Variants in CDH5 observed in about 807,000 individuals in gnomAD.
CDH5 encodes the protein cadherin-5.
Under a neutral mutation model 62.0 loss-of-function variants are expected in CDH5, and 28 were observed. The ratio of observed to expected loss-of-function variants is 0.45; its 90% CI spans 0.33 to 0.62. The LOEUF (loss-of-function observed/expected upper bound fraction) is 0.62. CDH5 is among the 20% of genes least tolerant of loss of function. CDH5 has a pLI of 0.02. For missense variants in CDH5, 940 were observed against 1,065.1 expected, an observed-to-expected ratio of 0.88 and a Z score of 1.63; for synonymous variants, 464 against 445.8, an observed-to-expected ratio of 1.04 and a Z score of -0.52.
At chr16:66,387,808 C>T (rs371163245) in intron 3 of CDH5, among the ~76,000 whole-genome samples, 3 of 152,126 alleles carry the variant, frequency 2.0e-5, no homozygotes, top group African/African-American at 7.2e-5. Context: ...ATGTCACCAG[C>T]CTGGGCTCTG....
At chr16:66,370,696 A>G (rs906893157) in intron 1 of CDH5, among the ~76,000 whole-genome samples, 1 of 152,204 alleles carries the variant, frequency 6.6e-6, no homozygotes, top group African/African-American at 2.4e-5. Context: ...GCAGGTGGCA[A>G]TCAGAAGACC....
intron 1 of CDH5, among the ~76,000 whole-genome samples, chr16:66,374,546 T>C (rs1008256020): frequency 6.6e-6 from 1 of 152,152 alleles, no homozygotes; most frequent in African/African-American, 2.4e-5. Flanking sequence ...CCAAGGGGCT[T>C]TTCTGCACCT....
chr16:66,375,222 T>C (rs1335273108), intron 1 of CDH5, among the ~76,000 whole-genome samples: 2 of 152,062 alleles, frequency 1.3e-5, no homozygotes, highest in Non-Finnish European at 2.9e-5. Context: ...CATATCTAAA[T>C]ACAGACAAGA....
At chr16:66,371,816 C>T (rs959478183) in intron 1 of CDH5, among the ~76,000 whole-genome samples, 2 of 152,100 alleles carry the variant, frequency 1.3e-5, no homozygotes, top group Non-Finnish European at 2.9e-5. Context: ...TGGACCAGCC[C>T]ATTGAGGGGC....
intron 1 of CDH5, among the ~76,000 whole-genome samples, chr16:66,370,965 C>G (rs977647253): frequency 6.6e-6 from 1 of 152,086 alleles, no homozygotes; most frequent in African/African-American, 2.4e-5. Context: ...TAGACTTCCT[C>G]CAGCAGGGAG....
chr16:66,392,992 G>C (rs1476958469), intron 7 of CDH5: 1 of 152,616 alleles, frequency 6.6e-6, no homozygotes, highest in Non-Finnish European at 1.5e-5. Flanking sequence ...ATCATGCCAT[G>C]CTGGTTTCAT....
chr16:66,389,215 G>A (rs1468868353), intron 4 of CDH5, 143 bp from the exon 5 acceptor site: 3 of 753,714 alleles, frequency 4.0e-6, no homozygotes, highest in Non-Finnish European at 6.4e-6. Flanking sequence ...GAGGTAGTGG[G>A]TTGTAGACTC....
chr16:66,367,405 G>T (rs1960606997), intron 1 of CDH5, among the ~76,000 whole-genome samples: 2 of 152,222 alleles, frequency 1.3e-5, no homozygotes, highest in Admixed American at 1.3e-4. Flanking sequence ...TGTCAAGGGA[G>T]CTGTAGTCTG....
intron 2 of CDH5, among the ~76,000 whole-genome samples, chr16:66,384,078 C>CTTTTTTTTTTTTTTTTTTTTTT (rs35435487): frequency 1.4e-5 from 1 of 71,356 alleles, no homozygotes; most frequent in African/African-American, 5.9e-5. Flanking sequence ...GGAGTCCAGC[C>CTTTTTTTTTTTTTTTTTTTTTT]TTTTTTTTTT....
At chr16:66,375,983 C>T (rs148654504) in intron 1 of CDH5, among the ~76,000 whole-genome samples, 5,992 of 151,982 alleles carry the variant, frequency 0.039, 376 homozygotes, top group African/African-American at 0.13. Flanking sequence ...TGGTGTCACG[C>T]GCCTGTAATC....
Position 66,379,396 on chromosome 16 carries a change from T to C in CDH5, c.59T>C (p.Val20Ala), listed in dbSNP as rs751603733. The C allele has an allele frequency of 1.2e-6, 2 of 1,613,600 alleles. No individual in the cohort carries two copies. Among genetic ancestry groups the C allele is most frequent in the African/African-American group, 1.3e-5 (1 of 74,934 alleles). The part of the protein sequence containing the change: ...TSGACLGLLA[V>A]AAVAAAGANP... ...GGCGCCTGCCTGGGCCTGCTGGCAG[T>C]GGCAGCAGTGGCAGCAGCAGGTGCT... The change falls in exon 2 of 12, where the codon GTG (valine) becomes GCG (alanine). Residue 20 changes from valine (V) to alanine (A), a missense_variant. Physicochemically the swap from Val to Ala is moderately conservative, Grantham distance 64. Coordinates refer to ENST00000341529, the MANE Select transcript of CDH5 (RefSeq NM_001795.5).
rs143242557 is a variant in CDH5, at chr16:66,379,522, C to T, written c.185C>T (p.Thr62Ile). ...ATGCACATTGATGAAGAGAAAAACA[C>T]CTCACTTCCCCATCATGTAGGCAAG... ...NQMHIDEEKN[T>I]SLPHHVGKIK... The change falls in exon 2 of 12, where the codon ACC (threonine) becomes ATC (isoleucine). Residue 62 changes from threonine (T) to isoleucine (I), a missense_variant. Physicochemically the swap from Thr to Ile is moderately conservative, Grantham distance 89. Transcript: ENST00000341529. 12 of 1,614,062 alleles carry T rather than the reference C, an allele frequency of 7.4e-6. No individual in the cohort carries two copies. The Admixed American group carries it at 8.3e-5, about 11-fold the overall frequency.
intron 2 of CDH5, among the ~76,000 whole-genome samples, chr16:66,381,774 T>C (rs1960903552): frequency 6.6e-6 from 1 of 152,064 alleles, no homozygotes; most frequent in African/African-American, 2.4e-5. Flanking sequence ...GACTTGCAAA[T>C]AAAGTTTTAT....
chr16:66,403,558 G>A lies in CDH5; in HGVS notation c.*389G>A. The stretch of plus-strand genomic sequence containing the variant: ...GGTCCCTGAACGCCCTGGTAAGGCT[G>A]GTGAGGTCCTGGTGCCTATCTGCCT... On this transcript the variant is annotated 3_prime_UTR_variant, in exon 12 of 12. Coordinates refer to ENST00000341529, the MANE Select transcript of CDH5 (RefSeq NM_001795.5). The surrounding 1 kb of genome is among the most constrained non-coding windows in gnomAD (Gnocchi z 4.3). The A allele has an allele frequency of 4.0e-6, 1 of 253,086 alleles. No individual in the cohort carries two copies. Among genetic ancestry groups the A allele is most frequent in the South Asian group, 5.1e-5 (1 of 19,524 alleles). 15.7% of individuals were successfully genotyped at this position (253,086 alleles called of 1,614,324 possible).
At chr16:66,396,443 G>A (rs1453818153) in intron 8 of CDH5, among the ~76,000 whole-genome samples, 2 of 152,194 alleles carry the variant, frequency 1.3e-5, no homozygotes, top group Non-Finnish European at 2.9e-5. Context: ...GGAATCTCAT[G>A]CATGTCACAG....
intron 3 of CDH5, among the ~76,000 whole-genome samples, chr16:66,388,078 T>A (rs1961016957): frequency 6.6e-6 from 1 of 151,058 alleles, no homozygotes; most frequent in Non-Finnish European, 1.5e-5. Flanking sequence ...CCCTCCCTCA[T>A]TTCCCCAGGA....
chr16:66,396,400 G>A (rs1293601730), intron 8 of CDH5, among the ~76,000 whole-genome samples, 199 bp downstream of exon 8: 2 of 152,218 alleles, frequency 1.3e-5, no homozygotes, highest in Non-Finnish European at 2.9e-5. Context: ...CTGAGACCTT[G>A]TTGCATCTCG....
intron 1 of CDH5, among the ~76,000 whole-genome samples, chr16:66,371,903 C>T (rs1188763146): frequency 1.3e-5 from 2 of 152,160 alleles, no homozygotes; most frequent in Admixed American, 1.3e-4. Flanking sequence ...AGAAAAGCAG[C>T]TCTAGCCCTT....
In CDH5 at chr16:66,395,924, A is replaced by C. The variant is rs940191104; in HGVS notation, c.1218-135A>C. On this transcript the variant is annotated intron_variant, in intron 7 of 11. Transcript: ENST00000341529. ...AGGTCCACTCTTGTCTGAGTGGCAG[A>C]GTGCAATGAGCAGTGAGAGAGGGGC... is the stretch of plus-strand genomic sequence containing the variant. The C allele has an allele frequency of 6.3e-6, 5 of 795,782 alleles. No homozygotes were observed. In the African/African-American group the frequency reaches 8.8e-5, roughly 14 times the overall value. 49.3% of individuals were successfully genotyped at this position (795,782 alleles called of 1,614,324 possible).
Sources: allele counts gnomAD v4.1 joint callset (sites outside exome capture counted in the v4.1 genomes callset), GRCh38; gene constraint gnomAD v4.1.1; non-coding constraint Gnocchi (gnomAD v3.1); transcripts MANE v1.5; gene names NCBI Gene and HGNC (gene_info 2026-07-23, HGNC 2026-07-21).